Variants in ZDHHC11 observed in about 807,000 individuals in gnomAD.
ZDHHC11 encodes palmitoyltransferase ZDHHC11.
Under a neutral mutation model 51.3 loss-of-function variants are expected in ZDHHC11, and 44 were observed. The ratio of observed to expected loss-of-function variants is 0.86; its 90% CI spans 0.67 to 1.10. The LOEUF is 1.10. ZDHHC11 is among the 50% of genes least tolerant of loss of function. ZDHHC11 has a pLI of 0.00. For synonymous variants in ZDHHC11, 163 were observed against 222.0 expected (o/e 0.73, Z 2.36); for missense variants, 400 against 537.7 (o/e 0.74, Z 2.53).
chr5:814,228 T>G (rs1740466669), intron 11 of ZDHHC11, among the ~76,000 whole-genome samples: 1 of 149,304 alleles, frequency 6.7e-6, no homozygotes, highest in Admixed American at 6.8e-5. Context: ...GCATTTGTCA[T>G]GGCTGTACAA....
chr5:803,542 T>TA (rs1259429880), intron 11 of ZDHHC11, among the ~76,000 whole-genome samples: 2 of 151,240 alleles, frequency 1.3e-5, no homozygotes, highest in East Asian at 3.9e-4. Flanking sequence ...TTTTTAGAGT[T>TA]ACCATATTAT....
chr5:809,060 A>C (rs1440057356), intron 11 of ZDHHC11, among the ~76,000 whole-genome samples: 5 of 148,248 alleles, frequency 3.4e-5, no homozygotes, highest in African/African-American at 1.3e-4. Context: ...AGTTTTCCCA[A>C]TATTTTATTA....
At chr5:843,147 C>G (rs759677363) in intron 4 of ZDHHC11, among the ~76,000 whole-genome samples, 3 of 152,294 alleles carry the variant, frequency 2.0e-5, no homozygotes, top group Admixed American at 6.5e-5. Flanking sequence ...TCCGGGCCCA[C>G]TTGGCCAAGG....
In ZDHHC11 at chr5:850,589, G is replaced by T. The variant is rs773917851; in HGVS notation, c.14C>A (p.Ser5Tyr). ...TGGGGTGACGGAACACTGGCTCCCGGAGCGGGTGTCCATCTGCAGGACACA... is the reference window on the plus strand; with the variant it reads ...TGGGGTGACGGAACACTGGCTCCCGTAGCGGGTGTCCATCTGCAGGACACA... MDTR[S>Y]GSQCSVTPEA... is the part of the protein sequence containing the mutation. Residue 5 changes from serine to tyrosine, a missense_variant, in exon 1 of 13, where the codon TCC becomes TAC. Ser to Tyr is a moderately radical substitution (Grantham distance 144). Coordinates refer to ENST00000283441, the MANE Select transcript of ZDHHC11 (RefSeq NM_024786.3). 6.2e-7 allele frequency: 1 copy of T among 1,613,346 alleles called. No individual in the cohort carries two copies. The highest frequency in any genetic ancestry group is 1.7e-5 in the Admixed American group (1 of 60,028).
chr5:804,207 T>C (rs1180549905), intron 11 of ZDHHC11, among the ~76,000 whole-genome samples: 1 of 151,324 alleles, frequency 6.6e-6, no homozygotes, highest in Non-Finnish European at 1.5e-5. Flanking sequence ...AAATTGTGTG[T>C]AGTTCTCAGT....
intron 11 of ZDHHC11, among the ~76,000 whole-genome samples, chr5:803,730 C>A (rs776566653): frequency 4.0e-5 from 6 of 150,890 alleles, no homozygotes; most frequent in South Asian, 2.1e-4. Flanking sequence ...CAGTAAACTA[C>A]AGGAAGTCAC....
chr5:841,926 G>A (rs1197312504), intron 4 of ZDHHC11: 4 of 989,136 alleles, frequency 4.0e-6, no homozygotes, highest in Non-Finnish European at 4.8e-6. Flanking sequence ...CATCCTAGAA[G>A]GCAAACACCA....
chr5:833,165 T>G (rs1190432735), intron 7 of ZDHHC11, among the ~76,000 whole-genome samples: 2 of 152,278 alleles, frequency 1.3e-5, no homozygotes, highest in Non-Finnish European at 2.9e-5. Context: ...AAGTGTGAAC[T>G]GCTCCACCCT....
At position 832,887 on chromosome 5, in the gene ZDHHC11, A is replaced by C. The variant is rs1163059375; in HGVS notation, c.935+886T>G. On this transcript the variant is annotated intron_variant, in intron 7 of 12. Coordinates refer to ENST00000283441, the MANE Select transcript of ZDHHC11 (RefSeq NM_024786.3). The stretch of plus-strand genomic sequence containing the variant: ...GCAAGACAAAAGGAAATGTTAACAA[A>C]TTTGGCTTCAGAAAAGTCCACAACC... 2.0e-5 allele frequency among the ~76,000 whole-genome samples: 3 copies of C among 151,746 alleles called. No individual in the cohort carries two copies. The East Asian group carries it at 5.8e-4, about 29-fold the overall frequency.
intron 4 of ZDHHC11, chr5:840,941 C>A (rs1480737078): frequency 3.0e-6 from 4 of 1,338,050 alleles, no homozygotes; most frequent in African/African-American, 3.2e-5. Flanking sequence ...GGGGTCACAG[C>A]GCCCACCCCT....
At chr5:859,651 A>G (rs910687256), upstream of ZDHHC11, among the ~76,000 whole-genome samples, 1 of 152,208 alleles carries the variant, frequency 6.6e-6, no homozygotes, top group Non-Finnish European at 1.5e-5. Flanking sequence ...TCAGCATTTT[A>G]GCAAGTTGTT....
chr5:840,614 G>T lies in ZDHHC11; in HGVS notation c.665C>A (p.Pro222His), dbSNP rs759485354. The T allele has an allele frequency of 3.7e-6, 6 of 1,613,902 alleles. No individual in the cohort carries two copies. The South Asian group carries it at 6.6e-5, about 18-fold the overall frequency. The part of the protein sequence containing the change: ...KNMNTWLLFL[P>H]LFPVQVQTLI... ...GGTCTGCACCTGCACCGGGAACAGG[G>T]GGAGGAACAGCAGCCACGTGTTCAT... Residue 222 changes from proline to histidine, a missense_variant, in exon 5 of 13, where the codon CCC becomes CAC. Physicochemically the swap from Pro to His is moderately conservative, Grantham distance 77. Coordinates refer to ENST00000283441, the MANE Select transcript of ZDHHC11 (RefSeq NM_024786.3).
chr5:834,502 CTGTT>C (rs796410993), intron 6 of ZDHHC11, among the ~76,000 whole-genome samples: 5,603 of 144,098 alleles, frequency 0.039, 86 homozygotes, highest in African/African-American at 0.13. Context: ...ACTGAGTTTT[CTGTT>C]TGTTTATGTT....
chr5:800,655 G>A lies in ZDHHC11; in HGVS notation c.*7+445C>T, dbSNP rs1421210251. ...GGAAGTAAATGATCATTTGTTTCAC[G>A]GTTAAATTTCACTGCATTCTATGGA... On this transcript the variant is annotated intron_variant, in intron 12 of 12. Transcript: ENST00000283441. Among the ~76,000 whole-genome samples, 7 of 151,340 alleles carry A rather than the reference G, an allele frequency of 4.6e-5. No individual in the cohort carries two copies. In the East Asian group the frequency reaches 7.7e-4, roughly 17 times the overall value.
At chr5:817,690 G>A (rs1445319349) in intron 10 of ZDHHC11, among the ~76,000 whole-genome samples, 3 of 151,340 alleles carry the variant, frequency 2.0e-5, no homozygotes, top group African/African-American at 7.3e-5. Flanking sequence ...GTGGGACTGA[G>A]CTGTGTGTGT....
chr5:850,679 A>C lies in ZDHHC11; in HGVS notation c.-77T>G, dbSNP rs1747068057. On this transcript the variant is annotated 5_prime_UTR_variant, in exon 1 of 13. Transcript: ENST00000283441. Reference sequence around the variant, plus strand: ...GCCCCGCCCACTGTCACAGAGACCAAGGGGACTGGGAATGCAGCCGCCAGG... The same window carrying C: ...GCCCCGCCCACTGTCACAGAGACCACGGGGACTGGGAATGCAGCCGCCAGG... The C allele has an allele frequency of 3.2e-6, 5 of 1,554,882 alleles. No homozygotes were observed. The highest frequency in any genetic ancestry group is 1.8e-4 in the Middle Eastern group (1 of 5,708).
At chr5:802,825 C>CAAAAAAAAAA (rs70957306) in intron 11 of ZDHHC11, among the ~76,000 whole-genome samples, 2 of 19,116 alleles carry the variant, frequency 1.0e-4, no homozygotes, top group East Asian at 9.1e-4. Context: ...TACAAAAATA[C>CAAAAAAAAAA]AAAAAAAAAA....
chr5:844,975 T>G (rs1416510772), intron 3 of ZDHHC11, among the ~76,000 whole-genome samples: 2 of 152,306 alleles, frequency 1.3e-5, no homozygotes, highest in African/African-American at 2.4e-5. Flanking sequence ...TAACCTCCTT[T>G]AATCCTTTCC....
At chr5:853,507 A>G (rs67534343), upstream of ZDHHC11, among the ~76,000 whole-genome samples, 13,317 of 145,284 alleles carry the variant, frequency 0.092, 1,799 homozygotes, top group African/African-American at 0.3. Flanking sequence ...GAGGACAGCG[A>G]GCTGGGGAGA....
Sources: allele counts gnomAD v4.1 joint callset (sites outside exome capture counted in the v4.1 genomes callset), GRCh38; gene constraint gnomAD v4.1.1; transcripts MANE v1.5; gene names NCBI Gene and HGNC (gene_info 2026-07-23, HGNC 2026-07-21).